The following MERTK variants were observed in gnomAD, a reference collection of about 807,000 sequenced individuals.
MERTK encodes the protein tyrosine-protein kinase Mer.
Under a neutral mutation model 99.3 loss-of-function variants are expected in MERTK, and 69 were observed. The ratio of observed to expected loss-of-function variants is 0.70; its 90% confidence interval spans 0.57 to 0.85. The LOEUF (loss-of-function observed/expected upper bound fraction) is 0.85. MERTK is among the 40% of genes least tolerant of loss of function. The pLI is 0.00. For missense variants in MERTK, 1,125 were observed against 1,249.4 expected, an observed-to-expected ratio of 0.90 and a Z score of 1.50; for synonymous variants, 426 against 467.6, an observed-to-expected ratio of 0.91 and a Z score of 1.15.
intron 2 of MERTK, 126 bp from the exon 3 acceptor site, chr2:111,944,834 C>A: frequency 1.2e-6 from 1 of 813,810 alleles, no homozygotes. Flanking sequence ...GTACAATGGC[C>A]TAGCCAAGCT....
intron 2 of MERTK, among the ~76,000 whole-genome samples, chr2:111,931,110 AT>A (rs1684661595): frequency 6.6e-6 from 1 of 152,174 alleles, no homozygotes; most frequent in African/African-American, 2.4e-5. Flanking sequence ...TTAGTGAATC[AT>A]TTTGTTTCCT....
At chr2:111,951,522 C>CATATATATATATATATAT (rs56410508) in intron 4 of MERTK, among the ~76,000 whole-genome samples, 3,227 of 85,142 alleles carry the variant, frequency 0.038, 239 homozygotes, top group Non-Finnish European at 0.043. Flanking sequence ...ATAATATTCC[C>CATATATATATATATATAT]ATATATATAT....
chr2:111,966,373 C>A (rs1482616946), intron 5 of MERTK, among the ~76,000 whole-genome samples: 1 of 152,144 alleles, frequency 6.6e-6, no homozygotes, highest in Non-Finnish European at 1.5e-5. Flanking sequence ...AAAAAAATAA[C>A]CAAACTAAAA....
rs370530773 is a variant in MERTK at position 112,007,579 on chromosome 2, A to C, written c.1868-804A>C. On this transcript the variant is annotated intron_variant, in intron 13 of 18. Transcript: ENST00000295408. ...TGTCTCTGATTTTGACTCTCTAGGT[A>C]CTTCATGTAAGTGGAATCATAGAGT... Among the ~76,000 whole-genome samples the C allele has an allele frequency of 2.6e-5, 4 of 152,282 alleles. No homozygotes were observed. The East Asian group carries it at 7.7e-4, about 29-fold the overall frequency.
Position 111,991,369 on chromosome 2 carries a change from G to A in MERTK, c.1297-2882G>A, listed in dbSNP as rs186465822. Among the ~76,000 whole-genome samples the A allele has an allele frequency of 7.2e-4, 110 of 152,140 alleles. 1 individual carries two copies. The highest frequency in any genetic ancestry group is 3.4e-3 in the Middle Eastern group (1 of 294). On this transcript the variant is annotated intron_variant, in intron 8 of 18. Transcript: ENST00000295408. ...GCCACCCGAGTAGCTGGGATTACAG[G>A]TGCATGCCACTACACCCTGCTAATT... is the stretch of plus-strand genomic sequence containing the variant.
In MERTK at chr2:111,944,997, A is replaced by G; in HGVS notation, c.520A>G (p.Ile174Val). 6.2e-7 allele frequency: 1 copy of G among 1,613,858 alleles called. No individual in the cohort carries two copies. The change falls in exon 3 of 19, where the codon ATC (isoleucine) becomes GTC (valine). Residue 174 changes from isoleucine (I) to valine (V), a missense_variant. Transcript: ENST00000295408. ...SVQRSDNGSY[I>V]CKMKINNEEI... Reference sequence around the variant, plus strand: ...GCAGCGTTCAGACAATGGGTCGTATATCTGTAAGATGAAAATAAACAATGA... The same window carrying G: ...GCAGCGTTCAGACAATGGGTCGTATGTCTGTAAGATGAAAATAAACAATGA...
intron 1 of MERTK, among the ~76,000 whole-genome samples, chr2:111,908,356 C>T (rs1364631661): frequency 6.6e-6 from 1 of 152,060 alleles, no homozygotes; most frequent in African/African-American, 2.4e-5. Context: ...ATTTAGGATA[C>T]ACAAAAGGAT....
intron 11 of MERTK, among the ~76,000 whole-genome samples, chr2:112,002,853 G>A (rs1046637397): frequency 6.6e-6 from 1 of 152,118 alleles, no homozygotes; most frequent in Non-Finnish European, 1.5e-5. Flanking sequence ...CATGCCTGCA[G>A]TCCCAGCTAC....
chr2:112,004,061 G>A (rs1272080078), intron 13 of MERTK, 77 bp downstream of exon 13: 1 of 1,301,356 alleles, frequency 7.7e-7, no homozygotes, highest in East Asian at 2.3e-5. Context: ...GAGGCCATAT[G>A]TCACAATCTC....
chr2:111,967,363 C>G (rs1434730158), intron 5 of MERTK, among the ~76,000 whole-genome samples: 1 of 152,200 alleles, frequency 6.6e-6, no homozygotes, highest in Non-Finnish European at 1.5e-5. Context: ...TGGCACATAG[C>G]AAGCACAGGA....
intron 1 of MERTK, among the ~76,000 whole-genome samples, chr2:111,923,915 G>T (rs1684509881): frequency 6.6e-6 from 1 of 152,242 alleles, no homozygotes; most frequent in Middle Eastern, 3.4e-3. Context: ...CAAACCCTTG[G>T]GTCCAAAACC....
chr2:112,023,556 A>G (rs949106672), intron 18 of MERTK, among the ~76,000 whole-genome samples: 8 of 152,110 alleles, frequency 5.3e-5, no homozygotes, highest in African/African-American at 1.9e-4. Context: ...AAGGCCAGGC[A>G]GTATGGGGAA....
At chr2:111,955,911 T>A (rs1351520125) in intron 4 of MERTK, among the ~76,000 whole-genome samples, 2 of 145,236 alleles carry the variant, frequency 1.4e-5, no homozygotes, top group Admixed American at 1.4e-4. Flanking sequence ...AGGTGGGAAT[T>A]GAACAATGAG....
intron 1 of MERTK, among the ~76,000 whole-genome samples, chr2:111,917,833 C>T (rs991042046): frequency 6.6e-5 from 10 of 150,396 alleles, no homozygotes; most frequent in Non-Finnish European, 8.8e-5. Context: ...TGCAGTGAGT[C>T]GAGATCGTGC....
intron 1 of MERTK, among the ~76,000 whole-genome samples, chr2:111,911,944 C>T (rs1007766194): frequency 6.6e-6 from 1 of 151,930 alleles, no homozygotes; most frequent in Non-Finnish European, 1.5e-5. Flanking sequence ...CTGCCTCGGC[C>T]TGCCAAAGTG....
chr2:112,008,505 C>G, intron 14 of MERTK, 30 bp downstream of exon 14: 3 of 1,537,084 alleles, frequency 2.0e-6, no homozygotes, highest in Non-Finnish European at 2.7e-6. Flanking sequence ...GAGTGGGTGG[C>G]CAAGAGGGCT....
In MERTK at chr2:111,955,225, T is replaced by C. The variant is rs528293125; in HGVS notation, c.757+7658T>C. 2.0e-5 allele frequency among the ~76,000 whole-genome samples: 3 copies of C among 152,336 alleles called. No individual in the cohort carries two copies. The South Asian group carries it at 6.2e-4, about 32-fold the overall frequency. The stretch of plus-strand genomic sequence containing the variant: ...ACAGGAAGGTCATATGCCTTTTCCC[T>C]CTTGATACAAGTTTTTATTTTTCCT... On this transcript the variant is annotated intron_variant, in intron 4 of 18. Transcript: ENST00000295408.
At chr2:112,004,581 G>A (rs1329415574) in intron 13 of MERTK, among the ~76,000 whole-genome samples, 2 of 152,190 alleles carry the variant, frequency 1.3e-5, no homozygotes, top group Non-Finnish European at 2.9e-5. Flanking sequence ...TCACAGCCAA[G>A]AACCTGCTTT....
chr2:111,911,079 A>G (rs897474176), intron 1 of MERTK, among the ~76,000 whole-genome samples: 2 of 152,152 alleles, frequency 1.3e-5, no homozygotes, highest in Non-Finnish European at 2.9e-5. Flanking sequence ...GATTATTCCA[A>G]GCTGCCAGGA....
Sources: gnomAD v4.1 joint callset for allele counts (sites outside exome capture counted in the v4.1 genomes callset) on GRCh38, gnomAD v4.1.1 for gene constraint, MANE v1.5 for transcripts, NCBI Gene and HGNC (gene_info 2026-07-23, HGNC 2026-07-21) for gene names.